CACNA1C: variants seen among roughly 807,000 people sequenced by gnomAD.
CACNA1C encodes the protein voltage-dependent L-type calcium channel subunit alpha-1C.
CACNA1C carries 30 observed loss-of-function variants against 229.0 expected under a neutral mutation model. The observed-to-expected ratio is 0.13, with a 90% CI of 0.10 to 0.18. The LOEUF is 0.18. CACNA1C is among the 10% of genes least tolerant of loss of function. The pLI is 1.00. For synonymous variants in CACNA1C, 1,114 were observed against 1,132.5 expected (o/e 0.98, Z 0.33); for missense variants, 1,658 against 2,845.0 (o/e 0.58, Z 9.49).
chr12:2,096,316 T>G (rs1399184545), intron 1 of CACNA1C, among the ~76,000 whole-genome samples: 1 of 152,248 alleles, frequency 6.6e-6, no homozygotes, highest in East Asian at 1.9e-4. Context: ...CTTTGCATCC[T>G]TCTCTGGGCC....
chr12:2,515,650 G>T (rs954141480), intron 9 of CACNA1C, among the ~76,000 whole-genome samples: 5 of 152,208 alleles, frequency 3.3e-5, no homozygotes, highest in African/African-American at 1.2e-4. Flanking sequence ...CCCGTGGTGT[G>T]AGGCTGGGGA....
At chr12:2,262,695 G>C (rs1023074292) in intron 3 of CACNA1C, among the ~76,000 whole-genome samples, 4 of 152,192 alleles carry the variant, frequency 2.6e-5, no homozygotes, top group Non-Finnish European at 4.4e-5. Flanking sequence ...TGGGGTGGAG[G>C]CTGTGTCTAA....
chr12:2,361,460 A>T (rs2097555251), intron 3 of CACNA1C, among the ~76,000 whole-genome samples: 1 of 152,020 alleles, frequency 6.6e-6, no homozygotes, highest in Admixed American at 6.6e-5. Flanking sequence ...AAAGTAAGGA[A>T]AGGATCCTTT....
At chr12:2,376,623 G>A (rs1019393143) in intron 3 of CACNA1C, among the ~76,000 whole-genome samples, 38 of 152,132 alleles carry the variant, frequency 2.5e-4, no homozygotes, top group African/African-American at 9.2e-4. Flanking sequence ...TCTGTAATAG[G>A]CTAGGGGGCT....
At chr12:2,455,393 A>C (rs1315646612) in intron 4 of CACNA1C, among the ~76,000 whole-genome samples, 1 of 152,236 alleles carries the variant, frequency 6.6e-6, no homozygotes, top group Non-Finnish European at 1.5e-5. Context: ...TTAGTACAAA[A>C]CAAGGAATGA....
chr12:2,039,308 C>G (rs941249210), intron 1 of CACNA1C, among the ~76,000 whole-genome samples: 1 of 152,124 alleles, frequency 6.6e-6, no homozygotes, highest in African/African-American at 2.4e-5. Context: ...TCAAGAGCAG[C>G]CTTTCATGTA....
chr12:2,657,308 A>T (rs1018727676), intron 34 of CACNA1C, among the ~76,000 whole-genome samples: 1 of 152,234 alleles, frequency 6.6e-6, no homozygotes, highest in Non-Finnish European at 1.5e-5. Context: ...ATTTTATGTT[A>T]TCTCTACAAG....
At chr12:2,323,204 A>C (rs1038235062) in intron 3 of CACNA1C, among the ~76,000 whole-genome samples, 1 of 151,970 alleles carries the variant, frequency 6.6e-6, no homozygotes, top group Non-Finnish European at 1.5e-5. Context: ...CCTCTATCTC[A>C]ATCTGGTAAT....
upstream of CACNA1C, among the ~76,000 whole-genome samples, chr12:2,048,784 G>A (rs546040718): frequency 6.6e-6 from 1 of 152,318 alleles, no homozygotes; most frequent in African/African-American, 2.4e-5. Flanking sequence ...GTCAAGAGGT[G>A]TGTGTGTGCT....
chr12:2,378,660 C>G (rs565879591), intron 3 of CACNA1C, among the ~76,000 whole-genome samples: 1 of 152,318 alleles, frequency 6.6e-6, no homozygotes, highest in South Asian at 2.1e-4. Flanking sequence ...TAAATAAGGT[C>G]GGGGATAAAA....
intron 3 of CACNA1C, among the ~76,000 whole-genome samples, chr12:2,204,090 T>C (rs1371415381): frequency 6.6e-6 from 1 of 152,108 alleles, no homozygotes; most frequent in Non-Finnish European, 1.5e-5. Flanking sequence ...TGTTCCTATT[T>C]CTCCACATCC....
intron 3 of CACNA1C, among the ~76,000 whole-genome samples, chr12:2,140,165 C>G (rs1197863840): frequency 6.6e-6 from 1 of 151,136 alleles, no homozygotes; most frequent in Non-Finnish European, 1.5e-5. Context: ...AGAACCTGTC[C>G]CATAACCAGA....
chr12:2,030,432 C>T (rs1354717521), intron 1 of CACNA1C, among the ~76,000 whole-genome samples: 1 of 151,932 alleles, frequency 6.6e-6, no homozygotes, highest in African/African-American at 2.4e-5. Context: ...AAACCAAGAC[C>T]TTCTTAGGTT....
At chr12:2,356,182 G>A (rs553919388) in intron 3 of CACNA1C, among the ~76,000 whole-genome samples, 22 of 152,248 alleles carry the variant, frequency 1.4e-4, no homozygotes, top group African/African-American at 1.9e-4. Flanking sequence ...AGTGGCCTCC[G>A]TGACCTAGAC....
At chr12:2,424,641 G>A (rs2099011685) in intron 3 of CACNA1C, among the ~76,000 whole-genome samples, 2 of 152,082 alleles carry the variant, frequency 1.3e-5, no homozygotes, top group Non-Finnish European at 2.9e-5. Flanking sequence ...CCAGAGCATC[G>A]ACAGTGCAGA....
At chr12:1,972,941 G>A (rs557469920) in intron 1 of CACNA1C, among the ~76,000 whole-genome samples, 1 of 152,324 alleles carries the variant, frequency 6.6e-6, no homozygotes, top group African/African-American at 2.4e-5. Flanking sequence ...CAATGACGCT[G>A]CCTGTGTGCT....
chr12:2,369,643 A>T (rs2097802023), intron 3 of CACNA1C, among the ~76,000 whole-genome samples: 1 of 152,070 alleles, frequency 6.6e-6, no homozygotes, highest in African/African-American at 2.4e-5. Flanking sequence ...ACCTCAGGTG[A>T]TCCTCCCGCC....
chr12:2,489,116 C>CT (rs2099708048), intron 6 of CACNA1C, among the ~76,000 whole-genome samples: 1 of 151,958 alleles, frequency 6.6e-6, no homozygotes, highest in South Asian at 2.1e-4. Flanking sequence ...TTCTTTCTTT[C>CT]TTTCTTTTTT....
chr12:2,404,537 G>A (rs1457529814), intron 3 of CACNA1C, among the ~76,000 whole-genome samples: 1 of 152,140 alleles, frequency 6.6e-6, no homozygotes, highest in African/African-American at 2.4e-5. Context: ...CGATTTGTTG[G>A]AAGGCAGGAT....
Sources: gnomAD v4.1 joint callset for allele counts (sites outside exome capture counted in the v4.1 genomes callset) on GRCh38, gnomAD v4.1.1 for gene constraint, MANE v1.5 for transcripts, NCBI Gene and HGNC (gene_info 2026-07-23, HGNC 2026-07-21) for gene names.